The following CYP4F11 variants were observed in gnomAD, a reference collection of about 807,000 sequenced individuals.
CYP4F11 encodes cytochrome P450 family 4 subfamily F member 11.
CYP4F11 carries 79 observed loss-of-function variants against 62.2 expected under a neutral mutation model. The ratio of observed to expected loss-of-function variants is 1.27; its 90% confidence interval spans 1.06 to 1.53. CYP4F11 has a LOEUF of 1.53. Among genes scored for constraint, CYP4F11 ranks in the 40% most tolerant of loss-of-function variants. The pLI is 0.00. For synonymous variants in CYP4F11, 290 were observed against 263.7 expected (o/e 1.10, Z -0.97); for missense variants, 777 against 680.5 (o/e 1.14, Z -1.58).
chr19:15,917,229 C>T (rs1352821201), intron 8 of CYP4F11, among the ~76,000 whole-genome samples: 1 of 151,962 alleles, frequency 6.6e-6, no homozygotes, highest in East Asian at 1.9e-4. Flanking sequence ...TATGAGGATG[C>T]AAAAATATAC....
At position 15,924,756 on chromosome 19, in the gene CYP4F11, C is replaced by T; in HGVS notation, c.647+5G>A. Reference sequence around the variant, plus strand: ...CAAGTTCTCAGGTCCTAGGAAAGGACTCACTCCTGACAATTGCTTTCAAAG... The same window carrying T: ...CAAGTTCTCAGGTCCTAGGAAAGGATTCACTCCTGACAATTGCTTTCAAAG... On this transcript the variant is annotated splice_donor_5th_base_variant and intron_variant, in intron 5 of 11. Transcript: ENST00000402119. The T allele has an allele frequency of 6.2e-7, 1 of 1,609,058 alleles. No homozygotes were observed. The highest frequency in any genetic ancestry group is 8.5e-7 in the Non-Finnish European group (1 of 1,176,752).
chr19:15,922,932 T>A (rs567976203), intron 6 of CYP4F11, among the ~76,000 whole-genome samples: 79 of 152,016 alleles, frequency 5.2e-4, no homozygotes, highest in African/African-American at 1.8e-3. Flanking sequence ...ATGCCTGTAA[T>A]CCCAGCTCTT....
intron 6 of CYP4F11, 147 bp from the exon 7 acceptor site, chr19:15,922,577 C>T: frequency 1.3e-6 from 1 of 779,410 alleles, no homozygotes; most frequent in African/African-American, 1.7e-5. Context: ...TTGGTCACCA[C>T]CATCAGAGCC....
At position 15,934,356 on chromosome 19, in the gene CYP4F11, G is replaced by T. The variant is rs141146852; in HGVS notation, c.53C>A (p.Pro18Gln). 5.0e-6 allele frequency: 8 copies of T among 1,613,056 alleles called. No individual in the cohort carries two copies. The Admixed American group carries it at 1.3e-4, about 27-fold the overall frequency. Residue 18 changes from proline (P) to glutamine (Q), a missense_variant, in exon 1 of 12, where the codon CCG becomes CAG. By Grantham distance (76) the Pro-to-Gln change is moderately conservative (BLOSUM62 -1). Coordinates refer to ENST00000402119, the MANE Select transcript of CYP4F11 (RefSeq NM_021187.4). The part of the protein sequence containing the change: ...WLGLGPVAAS[P>Q]WLLLLLVGGS... ...TCCAACCAGCAGCAGAAGCAGCCAC[G>T]GGGATGCTGCCACGGGCCCGAGGCC...
chr19:15,924,671 G>C, intron 5 of CYP4F11, 90 bp downstream of exon 5: 3 of 1,511,920 alleles, frequency 2.0e-6, no homozygotes, highest in South Asian at 2.3e-5. Context: ...CTTCAGAAAG[G>C]CACTTCTGGT....
At chr19:15,922,465 A>G in intron 6 of CYP4F11, 35 bp from the exon 7 acceptor site, 1 of 1,602,210 alleles carries the variant, frequency 6.2e-7, no homozygotes, top group East Asian at 2.2e-5. Context: ...CCTGCCCCAA[A>G]TCACACCAGC....
Position 15,934,523 on chromosome 19 carries a change from A to G in CYP4F11, c.-115T>C. The G allele has an allele frequency of 1.6e-6, 2 of 1,266,884 alleles. No homozygotes were observed. The highest frequency in any genetic ancestry group is 2.1e-6 in the Non-Finnish European group (2 of 935,022). The allele number at this position is 1,266,884 out of a possible 1,614,324, so 78.5% of individuals were successfully genotyped here. The stretch of plus-strand genomic sequence containing the variant: ...GGCAGTGCTGGAGGCAGATCAGGGA[A>G]GGCTCTGAGATGGGTAAACAAGAGC... On this transcript the variant is annotated 5_prime_UTR_variant, in exon 1 of 12. Transcript: ENST00000402119.
chr19:15,922,278 G>T (rs2089635350), intron 7 of CYP4F11, 86 bp downstream of exon 7: 1 of 1,604,564 alleles, frequency 6.2e-7, no homozygotes, highest in African/African-American at 1.3e-5. Flanking sequence ...AGGATGGGCA[G>T]AATTAAGTGA....
chr19:15,914,942 C>G, intron 8 of CYP4F11, 47 bp from the exon 9 acceptor site: 3 of 1,599,074 alleles, frequency 1.9e-6, no homozygotes, highest in Non-Finnish European at 2.6e-6. Context: ...AACAAAGACA[C>G]AATTCTCCAG....
chr19:15,927,124 C>T, intron 4 of CYP4F11, 88 bp downstream of exon 4: 2 of 1,498,702 alleles, frequency 1.3e-6, no homozygotes, highest in Non-Finnish European at 1.8e-6. Flanking sequence ...GCATTGTCCC[C>T]AAAGCACAAC....
At position 15,916,034 on chromosome 19, in the gene CYP4F11, GC is replaced by G. The variant is rs2089581124; in HGVS notation, c.1116-1140del. 2.6e-5 allele frequency among the ~76,000 whole-genome samples: 4 copies of G among 152,032 alleles called. No individual in the cohort carries two copies. In the South Asian group the frequency reaches 8.3e-4, roughly 32 times the overall value. ...TGAATAAAAGATACATTTCACCATA[GC>G]AACAAAATATCTAAGGATTGATTTA... is the stretch of plus-strand genomic sequence containing the variant. On this transcript the variant is annotated intron_variant, in intron 8 of 11. Transcript: ENST00000402119.
At chr19:15,924,143 G>A in intron 5 of CYP4F11, 61 bp from the exon 6 acceptor site, 1 of 1,561,256 alleles carries the variant, frequency 6.4e-7, no homozygotes, top group African/African-American at 1.4e-5. Context: ...CTCACCAGCA[G>A]CTAGAAGCTA....
rs2089545186 is a variant in CYP4F11 at position 15,912,751 on chromosome 19, G to GTGTGTGTGTATATATA, written c.*980_*981insTATATATACACACACA. 4.6e-4 allele frequency: 7 copies of GTGTGTGTGTATATATA among 15,306 alleles called. No homozygotes were observed. The highest frequency in any genetic ancestry group is 1.3e-3 in the African/African-American group (7 of 5,538). 0.9% of individuals were successfully genotyped at this position (15,306 alleles called of 1,614,324 possible). On this transcript the variant is annotated 3_prime_UTR_variant, in exon 12 of 12. Transcript: ENST00000402119. ...TGTGTGTGTATATGTATATATGTGT[G>GTGTGTGTGTATATATA]TGTGTGTGTGTGTGTGTGTGTATAT...
Position 15,922,094 on chromosome 19 carries a change from T to C in CYP4F11, c.1058A>G (p.Gln353Arg). 3 of 1,614,120 alleles carry C rather than the reference T, an allele frequency of 1.9e-6. No homozygotes were observed. Among genetic ancestry groups the C allele is most frequent in the East Asian group, 4.5e-5 (2 of 44,880 alleles). The change falls in exon 8 of 12, where the codon CAG (glutamine) becomes CGG (arginine). Residue 353 changes from glutamine (Q) to arginine (R), a missense_variant. Coordinates refer to ENST00000402119, the MANE Select transcript of CYP4F11 (RefSeq NM_021187.4). The stretch of plus-strand genomic sequence containing the variant: ...AAGCTCTTGCACTTCTTGCCGGCAC[T>C]GTTCCTGGTATTCTGGGTGCTTTGC... ...HLAKHPEYQE[Q>R]CRQEVQELLK... is the part of the protein sequence containing the mutation.
chr19:15,924,116 A>T, intron 5 of CYP4F11, 34 bp from the exon 6 acceptor site: 1 of 1,598,998 alleles, frequency 6.3e-7, no homozygotes, highest in Non-Finnish European at 8.5e-7. Flanking sequence ...AACATATGCA[A>T]AGTCCCAGGA....
Position 15,930,856 on chromosome 19 carries a change from C to A in CYP4F11, c.199-1255G>T, listed in dbSNP as rs370345559. Among the ~76,000 whole-genome samples the A allele has an allele frequency of 7.2e-4, 109 of 152,310 alleles. No individual in the cohort carries two copies. The South Asian group carries it at 0.012, about 17-fold the overall frequency. On this transcript the variant is annotated intron_variant, in intron 1 of 11. Transcript: ENST00000402119. ...CCTCCCACACTGGGGACATTCCATT[C>A]TCAGCAGCCCCCAGGCGTAGAGGAG...
intron 8 of CYP4F11, among the ~76,000 whole-genome samples, chr19:15,919,660 A>G (rs2089611209): frequency 1.3e-5 from 2 of 152,202 alleles, no homozygotes; most frequent in Non-Finnish European, 2.9e-5. Flanking sequence ...ATTGAGTCCA[A>G]GAAGAATCTG....
intron 5 of CYP4F11, 111 bp from the exon 6 acceptor site, chr19:15,924,193 G>T: frequency 7.4e-7 from 1 of 1,344,000 alleles, no homozygotes; most frequent in Non-Finnish European, 1.0e-6. Flanking sequence ...ACAGCCAGGA[G>T]ACTTGACTCT....
intron 8 of CYP4F11, among the ~76,000 whole-genome samples, chr19:15,921,054 G>GTCTCTCTCTCTCTCTCTCTCTCTCTC (rs60842401): frequency 5.7e-5 from 7 of 122,392 alleles, no homozygotes; most frequent in Admixed American, 8.2e-5. Context: ...CTCTCTTTCT[G>GTCTCTCTCTCTCTCTCTCTCTCTCTC]TCTCTCTCTC....
Sources: allele counts gnomAD v4.1 joint callset (sites outside exome capture counted in the v4.1 genomes callset), GRCh38; gene constraint gnomAD v4.1.1; transcripts MANE v1.5; gene names NCBI Gene and HGNC (gene_info 2026-07-23, HGNC 2026-07-21).